Variants in GPHN observed in about 807,000 individuals in gnomAD.
GPHN encodes gephyrin.
Under a neutral mutation model 95.5 loss-of-function variants are expected in GPHN, and 17 were observed. The observed-to-expected ratio is 0.18, with a 90% CI of 0.12 to 0.27. GPHN has a LOEUF of 0.27. Among genes scored for constraint, GPHN ranks in the 10% least tolerant of loss-of-function variants. The probability of loss-of-function intolerance (pLI) is 1.00; values close to 1 mark genes in which losing one functional copy is unlikely to be tolerated. For synonymous variants in GPHN, 320 were observed against 322.5 expected, an observed-to-expected ratio of 0.99 and a Z score of 0.08; for missense variants, 660 against 978.1, an observed-to-expected ratio of 0.67 and a Z score of 4.34.
chr14:67,551,470 A>T, the GPHN span, among the ~76,000 whole-genome samples: 12,702 of 152,040 alleles, frequency 0.084, 580 homozygotes, highest in East Asian at 0.13. Flanking sequence ...ATATATATAT[A>T]TTTTTTACTG....
chr14:67,541,345 C>T, the GPHN span, among the ~76,000 whole-genome samples: 1 of 152,206 alleles, frequency 6.6e-6, no homozygotes, highest in East Asian at 1.9e-4. Flanking sequence ...TCCCAGCTCC[C>T]ATTCCCATTT....
chr14:67,018,183 G>A (rs2073415488), intron 9 of GPHN, among the ~76,000 whole-genome samples: 1 of 151,956 alleles, frequency 6.6e-6, no homozygotes, highest in African/African-American at 2.4e-5. Context: ...AAGAATCTAG[G>A]CAAATCTAAA....
chr14:67,584,266 C>T, the GPHN span: 2 of 746,346 alleles, frequency 2.7e-6, no homozygotes, highest in Admixed American at 2.6e-5. Flanking sequence ...TGGCCTAGTC[C>T]AGCTTTCCAC....
At chr14:67,091,643 C>T (rs185036321) in intron 12 of GPHN, among the ~76,000 whole-genome samples, 228 of 151,696 alleles carry the variant, frequency 1.5e-3, no homozygotes, top group African/African-American at 5.2e-3. Context: ...TATTCCCAAA[C>T]AGAATATTGT....
At chr14:67,475,924 C>G in the GPHN span, among the ~76,000 whole-genome samples, 93 of 152,260 alleles carry the variant, frequency 6.1e-4, no homozygotes, top group Non-Finnish European at 1.1e-3. Context: ...AGGATAGTGA[C>G]TGTTGCACAG....
At chr14:67,587,323 C>G in the GPHN span, 5 of 1,426,932 alleles carry the variant, frequency 3.5e-6, no homozygotes, top group Non-Finnish European at 5.0e-6. Flanking sequence ...TGTGACGGGT[C>G]TAACAGCCCC....
intron 2 of GPHN, among the ~76,000 whole-genome samples, chr14:66,699,720 T>C (rs994284040): frequency 3.3e-5 from 5 of 152,194 alleles, no homozygotes; most frequent in Admixed American, 6.5e-5. Flanking sequence ...TTTTATACTA[T>C]TTGTATAAAT....
At chr14:67,615,986 T>C in the GPHN span, 1 of 299,996 alleles carries the variant, frequency 3.3e-6, no homozygotes, top group East Asian at 7.0e-5. Context: ...GAAAGTCTGA[T>C]GCAGCCAAAA....
chr14:66,758,182 G>A (rs1445551906), intron 2 of GPHN, among the ~76,000 whole-genome samples: 1 of 152,210 alleles, frequency 6.6e-6, no homozygotes, highest in African/African-American at 2.4e-5. Flanking sequence ...CAGAGGAAAG[G>A]CTGCCACACA....
chr14:67,192,047 A>G, the GPHN span, among the ~76,000 whole-genome samples: 4,951 of 152,338 alleles, frequency 0.033, 260 homozygotes, highest in African/African-American at 0.11. Context: ...AGCTAGTGCT[A>G]GAACGAGCTC....
the GPHN span, among the ~76,000 whole-genome samples, chr14:67,458,963 C>G: frequency 6.6e-6 from 1 of 152,368 alleles, no homozygotes; most frequent in East Asian, 1.9e-4. Context: ...TCTTGGCCCA[C>G]TGCAACCTCC....
At chr14:66,799,927 A>G (rs910743443) in intron 3 of GPHN, among the ~76,000 whole-genome samples, 6 of 151,776 alleles carry the variant, frequency 4.0e-5, no homozygotes, top group Admixed American at 3.3e-4. Context: ...TGGTGATATG[A>G]CTTAGTTTCT....
chr14:67,306,806 A>C, the GPHN span, among the ~76,000 whole-genome samples: 3 of 152,238 alleles, frequency 2.0e-5, no homozygotes, highest in Non-Finnish European at 4.4e-5. Context: ...GTAATAGGAA[A>C]TCATAATCTT....
chr14:67,653,441 T>C, the GPHN span: 1 of 1,613,750 alleles, frequency 6.2e-7, no homozygotes, highest in African/African-American at 1.3e-5. Flanking sequence ...ACTTACTTTC[T>C]GGACATTGAA....
At chr14:66,627,773 T>C (rs576510458) in intron 1 of GPHN, among the ~76,000 whole-genome samples, 1 of 152,196 alleles carries the variant, frequency 6.6e-6, no homozygotes, top group Non-Finnish European at 1.5e-5. Flanking sequence ...CGTTTTTTGG[T>C]ATTAGGATAT....
chr14:67,512,708 C>T, the GPHN span, among the ~76,000 whole-genome samples: 1 of 152,092 alleles, frequency 6.6e-6, no homozygotes, highest in Admixed American at 6.5e-5. Flanking sequence ...TCAGAGTCCC[C>T]AACATCATCG....
the GPHN span, among the ~76,000 whole-genome samples, chr14:67,556,807 T>C: frequency 3.9e-5 from 6 of 152,288 alleles, no homozygotes; most frequent in East Asian, 5.8e-4. Context: ...ACCCCATTGG[T>C]TGGATCAATG....
rs370906134 is a variant in GPHN at position 66,827,671 on chromosome 14, T to C, written c.294+3105T>C. 3.1e-3 allele frequency among the ~76,000 whole-genome samples: 470 copies of C among 152,266 alleles called. 11 individuals carry two copies. Among genetic ancestry groups the C allele is most frequent in the African/African-American group, 0.011 (445 of 41,562 alleles). On this transcript the variant is annotated intron_variant, in intron 4 of 22. Coordinates refer to ENST00000478722, the MANE Select transcript of GPHN (RefSeq NM_020806.5). The stretch of plus-strand genomic sequence containing the variant: ...TTTCTTTTTTGCATGTAATACCAGA[T>C]AGACAACTATAGCCTTTTACTTGTT...
the GPHN span, among the ~76,000 whole-genome samples, chr14:67,427,821 G>A: frequency 2.0e-5 from 3 of 151,950 alleles, no homozygotes; most frequent in East Asian, 1.9e-4. Flanking sequence ...GTAAGGCACC[G>A]TGCTTTTCTA....
Sources: allele counts gnomAD v4.1 joint callset (sites outside exome capture counted in the v4.1 genomes callset), GRCh38; gene constraint gnomAD v4.1.1; transcripts MANE v1.5; gene names NCBI Gene and HGNC (gene_info 2026-07-23, HGNC 2026-07-21).